Variants in RFX6 observed in about 807,000 individuals in gnomAD.
RFX6 encodes regulatory factor X6.
RFX6 carries 50 observed loss-of-function variants against 110.8 expected under a neutral mutation model. The ratio of observed to expected loss-of-function variants is 0.45; its 90% CI spans 0.36 to 0.57. RFX6 has a LOEUF of 0.57. RFX6 is among the 20% of genes least tolerant of loss of function. RFX6 has a pLI of 0.00. For missense variants in RFX6, 990 were observed against 1,127.0 expected, an observed-to-expected ratio of 0.88 and a Z score of 1.74; for synonymous variants, 383 against 411.2, an observed-to-expected ratio of 0.93 and a Z score of 0.83.
intron 16 of RFX6, 101 bp from the exon 17 acceptor site, chr6:116,926,926 T>G: frequency 8.7e-7 from 1 of 1,150,698 alleles, no homozygotes; most frequent in Middle Eastern, 2.0e-4. Flanking sequence ...TGAAGCAAGC[T>G]GGAAAACAAT....
Position 116,886,995 on chromosome 6 carries a change from G to A in RFX6, c.566+4567G>A, listed in dbSNP as rs568794253. 2.2e-4 allele frequency among the ~76,000 whole-genome samples: 33 copies of A among 152,080 alleles called. No individual in the cohort carries two copies. The East Asian group carries it at 6.0e-3, about 28-fold the overall frequency. The stretch of plus-strand genomic sequence containing the variant: ...GGAGAATCACTTGAACCTGAGAGGC[G>A]GAGGTTGCAGTGAGCTGAGATCGCA... On this transcript the variant is annotated intron_variant, in intron 4 of 18. Transcript: ENST00000332958.
At chr6:116,927,748 T>C (rs1775779752) in intron 17 of RFX6, among the ~76,000 whole-genome samples, 1 of 147,868 alleles carries the variant, frequency 6.8e-6, no homozygotes. Context: ...TCTTCCTTTT[T>C]TTTTTTTTTT....
chr6:116,889,576 T>C (rs1468192221), intron 4 of RFX6, among the ~76,000 whole-genome samples: 2 of 152,068 alleles, frequency 1.3e-5, no homozygotes, highest in African/African-American at 2.4e-5. Context: ...GAGGACCTGA[T>C]GGAAGAAGGG....
intron 3 of RFX6, among the ~76,000 whole-genome samples, chr6:116,882,144 A>G (rs532172100): frequency 2.0e-5 from 3 of 152,148 alleles, no homozygotes; most frequent in Non-Finnish European, 4.4e-5. Context: ...TGCCTTAGAA[A>G]TCAAGACAAG....
At position 116,882,374 on chromosome 6, in the gene RFX6, G is replaced by A. The variant is rs774275118; in HGVS notation, c.512G>A (p.Arg171His). ...ACAATFGKTI[R>H]QKFPLLTTRR... ...AATCATCTTTCTTTTTAGACAATTC[G>A]CCAGAAGTTTCCCCTCCTAACAACA... Residue 171 changes from arginine to histidine, a missense_variant, in exon 4 of 19, where the codon CGC becomes CAC. Coordinates refer to ENST00000332958, the MANE Select transcript of RFX6 (RefSeq NM_173560.4). The A allele has an allele frequency of 2.5e-5, 41 of 1,611,902 alleles. No homozygotes were observed. The highest frequency in any genetic ancestry group is 3.3e-5 in the Non-Finnish European group (39 of 1,178,544).
In RFX6 at chr6:116,928,837, G is replaced by A. The variant is rs1582540444; in HGVS notation, c.2477G>A (p.Ser826Asn). The A allele has an allele frequency of 6.2e-7, 1 of 1,613,992 alleles. No homozygotes were observed. The highest frequency in any genetic ancestry group is 2.2e-5 in the East Asian group (1 of 44,874). ...GTGAATCAGCACGTTTCTGTCATCA[G>A]CAGCATTCGTTCACTGCCCCCCTAC... ...SMVNQHVSVISSIRSLPPYSD... is the reference protein window; with the variant it reads ...SMVNQHVSVINSIRSLPPYSD... The change falls in exon 18 of 19, where the codon AGC becomes AAC. Residue 826 changes from serine (S) to asparagine (N), a missense_variant. Coordinates refer to ENST00000332958, the MANE Select transcript of RFX6 (RefSeq NM_173560.4).
At chr6:116,919,571 G>A (rs1775548203) in intron 11 of RFX6, among the ~76,000 whole-genome samples, 1 of 151,470 alleles carries the variant, frequency 6.6e-6, no homozygotes, top group Non-Finnish European at 1.5e-5. Flanking sequence ...ATAAGAAGCT[G>A]GATGGAGAGT....
intron 18 of RFX6, among the ~76,000 whole-genome samples, chr6:116,929,956 A>G (rs555017466): frequency 5.9e-5 from 9 of 152,282 alleles, no homozygotes; most frequent in African/African-American, 2.2e-4. Context: ...CTAGCAGCTC[A>G]TCTTCTGCTA....
chr6:116,929,414 A>AC (rs145245894), intron 18 of RFX6, among the ~76,000 whole-genome samples: 2,468 of 152,272 alleles, frequency 0.016, 27 homozygotes, highest in Non-Finnish European at 0.026. Flanking sequence ...ATTAAAAAAA[A>AC]CTGGTGTCCT....
At chr6:116,928,583 CA>C (rs1775805962) in intron 17 of RFX6, among the ~76,000 whole-genome samples, 175 bp from the exon 18 acceptor site, 1 of 152,130 alleles carries the variant, frequency 6.6e-6, no homozygotes, top group Admixed American at 6.6e-5. Context: ...AAAAACAGCA[CA>C]GTAAACCTTA....
At chr6:116,880,701 A>G in intron 3 of RFX6, 34 bp downstream of exon 3, 2 of 1,608,738 alleles carry the variant, frequency 1.2e-6, no homozygotes, top group Non-Finnish European at 1.7e-6. Flanking sequence ...GTGACTTATA[A>G]CTAAAGTCAT....
At chr6:116,919,831 G>T (rs923477840) in intron 11 of RFX6, among the ~76,000 whole-genome samples, 19 of 152,214 alleles carry the variant, frequency 1.2e-4, no homozygotes, top group Non-Finnish European at 2.8e-4. Flanking sequence ...TTTGTATATT[G>T]TTAAAATATA....
chr6:116,922,994 C>CT (rs1331027497), intron 13 of RFX6, 113 bp from the exon 14 acceptor site: 18 of 756,338 alleles, frequency 2.4e-5, no homozygotes, highest in African/African-American at 5.1e-5. Flanking sequence ...GAAATAAATG[C>CT]CATGCCATCT....
intron 18 of RFX6, among the ~76,000 whole-genome samples, chr6:116,930,443 G>A (rs1001123319): frequency 2.0e-5 from 3 of 152,158 alleles, no homozygotes; most frequent in Non-Finnish European, 4.4e-5. Context: ...GTTCTTGCCT[G>A]TAAGAAGTTT....
intron 7 of RFX6, among the ~76,000 whole-genome samples, chr6:116,911,947 C>T (rs1282032051): frequency 6.6e-6 from 1 of 152,088 alleles, no homozygotes; most frequent in East Asian, 1.9e-4. Flanking sequence ...TAGTAACTTA[C>T]AGGGCTCATT....
Position 116,932,113 on chromosome 6 carries a change from T to C in RFX6, c.*607T>C, listed in dbSNP as rs1030703845. 6.6e-6 allele frequency: 1 copy of C among 152,642 alleles called. No homozygotes were observed. The highest frequency in any genetic ancestry group is 1.5e-5 in the Non-Finnish European group (1 of 68,078). 9.5% of individuals were successfully genotyped at this position (152,642 alleles called of 1,614,324 possible). ...AATGGAGATGATAAGTGCTTTCCCC[T>C]CTTTATTTAAAAAAGATTAAAAGGA... On this transcript the variant is annotated 3_prime_UTR_variant, in exon 19 of 19. Coordinates refer to ENST00000332958, the MANE Select transcript of RFX6 (RefSeq NM_173560.4).
intron 4 of RFX6, among the ~76,000 whole-genome samples, chr6:116,891,081 T>C (rs1288860755): frequency 6.6e-6 from 1 of 152,226 alleles, no homozygotes; most frequent in African/African-American, 2.4e-5. Context: ...AAGTAAAATG[T>C]ACCTCAGTGC....
At chr6:116,905,208 G>A (rs1283134074) in intron 6 of RFX6, among the ~76,000 whole-genome samples, 1 of 152,112 alleles carries the variant, frequency 6.6e-6, no homozygotes, top group Non-Finnish European at 1.5e-5. Flanking sequence ...GTGTGTTTGT[G>A]TGTGTTTTTG....
rs1464917275 is a variant in RFX6 at position 116,919,233 on chromosome 6, A to G, written c.1119A>G (p.Ile373Met). The part of the protein sequence containing the change: ...NLPEALTDKK[I>M]PIVRRFVSSL... ...CAGAAGCTCTAACTGACAAGAAAAT[A>G]CCTATTGTGCGAAGATTTGTATCTT... Residue 373 changes from isoleucine to methionine, a missense_variant, in exon 11 of 19, where the codon ATA (isoleucine) becomes ATG (methionine). By Grantham distance (10) the Ile-to-Met change is conservative. This residue lies in a region of RFX6 where 243 missense variants were observed against 353.1 expected (regional missense o/e 0.69). Transcript: ENST00000332958. The G allele has an allele frequency of 6.2e-7, 1 of 1,613,320 alleles. No homozygotes were observed. The highest frequency in any genetic ancestry group is 1.3e-5 in the African/African-American group (1 of 74,896).
Sources: gnomAD v4.1 joint callset for allele counts (sites outside exome capture counted in the v4.1 genomes callset) on GRCh38, gnomAD v4.1.1 for gene constraint, gnomAD v4.1.1 regional missense constraint, MANE v1.5 for transcripts, NCBI Gene and HGNC (gene_info 2026-07-23, HGNC 2026-07-21) for gene names.